The following MCCC1 variants were observed in gnomAD, a reference collection of about 807,000 sequenced individuals.
The protein encoded by MCCC1 is methylcrotonoyl-CoA carboxylase subunit alpha, mitochondrial.
Under a neutral mutation model 83.8 loss-of-function variants are expected in MCCC1, and 64 were observed. The observed-to-expected ratio is 0.76, with a 90% CI of 0.62 to 0.94. The LOEUF (loss-of-function observed/expected upper bound fraction) is 0.94. Among genes scored for constraint, MCCC1 ranks in the 40% least tolerant of loss-of-function variants. The probability of loss-of-function intolerance (pLI) is 0.00; values close to 1 mark genes in which losing one functional copy is unlikely to be tolerated. For missense variants in MCCC1, 807 were observed against 904.7 expected, an observed-to-expected ratio of 0.89 and a Z score of 1.39; for synonymous variants, 322 against 315.4, an observed-to-expected ratio of 1.02 and a Z score of -0.22.
chr3:183,020,112 C>T lies in MCCC1; in HGVS notation c.1977+18G>A. ...TTAAAACTTACTGAACATCATTCTA[C>T]AGATGTCATGTGATTACCTTTTCAA... On this transcript the variant is annotated intron_variant, in intron 17 of 18. Coordinates refer to ENST00000265594, the MANE Select transcript of MCCC1 (RefSeq NM_020166.5). 3 of 1,570,230 alleles carry T rather than the reference C, an allele frequency of 1.9e-6. No homozygotes were observed. Among genetic ancestry groups the T allele is most frequent in the Non-Finnish European group, 1.8e-6 (2 of 1,140,168 alleles).
chr3:183,074,870 C>T (rs1716951044), intron 4 of MCCC1, among the ~76,000 whole-genome samples: 1 of 152,216 alleles, frequency 6.6e-6, no homozygotes, highest in Non-Finnish European at 1.5e-5. Flanking sequence ...CTCCCTCCCA[C>T]CTTCCCCACT....
At chr3:183,068,282 C>T (rs540654457) in intron 7 of MCCC1, among the ~76,000 whole-genome samples, 18 of 152,258 alleles carry the variant, frequency 1.2e-4, no homozygotes, top group African/African-American at 3.1e-4. Context: ...ACAGGTCATA[C>T]GGACCTTGCA....
Position 183,022,721 on chromosome 3 carries a change from A to G in MCCC1, c.1732-167T>C, listed in dbSNP as rs1292380078. The G allele has an allele frequency of 2.4e-5, 15 of 615,086 alleles. 1 individual carries two copies. The Admixed American group carries it at 4.9e-4, about 20-fold the overall frequency. The allele number at this position is 615,086 out of a possible 1,614,324, so 38.1% of individuals were successfully genotyped here. A position where few individuals can be genotyped will look rare whatever the true frequency, so the allele number is the denominator to read the frequency against. Reference sequence around the variant, plus strand: ...TCATGGAACTTTTCCCCTATTCCTAACCAAGATACTTTACATAGAAATGAC... The same window carrying G: ...TCATGGAACTTTTCCCCTATTCCTAGCCAAGATACTTTACATAGAAATGAC... On this transcript the variant is annotated intron_variant, in intron 15 of 18. Coordinates refer to ENST00000265594, the MANE Select transcript of MCCC1 (RefSeq NM_020166.5).
intron 1 of MCCC1, among the ~76,000 whole-genome samples, chr3:183,112,107 C>T (rs1719504849): frequency 6.6e-6 from 1 of 152,128 alleles, no homozygotes. Flanking sequence ...TATGCCAGCT[C>T]AGCTTTCTAA....
intron 1 of MCCC1, among the ~76,000 whole-genome samples, chr3:183,097,937 C>T (rs1718860874): frequency 6.6e-6 from 1 of 151,718 alleles, no homozygotes; most frequent in African/African-American, 2.4e-5. Context: ...TTATTTGAGA[C>T]GGAGTCTTAC....
Position 183,086,691 on chromosome 3 carries a change from A to C in MCCC1, c.369+2T>G. 6.2e-7 allele frequency: 1 copy of C among 1,612,630 alleles called. No individual in the cohort carries two copies. The highest frequency in any genetic ancestry group is 8.5e-7 in the Non-Finnish European group (1 of 1,178,706). On this transcript the variant is annotated splice_donor_variant, in intron 4 of 18. Transcript: ENST00000265594. LOFTEE classifies it high-confidence loss of function. ...CACTGCAAATCTCTTCACAACCCTC[A>C]CCTGTGCAGCAGAGGTCTTGGCCAC... is the stretch of plus-strand genomic sequence containing the variant.
intron 9 of MCCC1, among the ~76,000 whole-genome samples, chr3:183,046,957 A>G (rs965602596): frequency 6.6e-6 from 1 of 152,182 alleles, no homozygotes; most frequent in Non-Finnish European, 1.5e-5. Context: ...CAACTCTGAG[A>G]GTTAAAAACT....
intron 1 of MCCC1, among the ~76,000 whole-genome samples, chr3:183,113,021 C>T (rs1289390176): frequency 3.9e-5 from 6 of 152,066 alleles, no homozygotes; most frequent in Middle Eastern, 3.4e-3. Flanking sequence ...GTCAAGAGAT[C>T]GAGACCATCC....
chr3:183,101,716 C>A (rs372829632), upstream of MCCC1, among the ~76,000 whole-genome samples: 1 of 152,208 alleles, frequency 6.6e-6, no homozygotes, highest in African/African-American at 2.4e-5. Context: ...TCCCATTCCA[C>A]GCTGTGGAAG....
intron 9 of MCCC1, among the ~76,000 whole-genome samples, chr3:183,047,405 C>T (rs1424570157): frequency 6.6e-6 from 1 of 152,146 alleles, no homozygotes; most frequent in African/African-American, 2.4e-5. Context: ...TAGCAAAATT[C>T]TCTTTACCCA....
chr3:183,055,035 T>G (rs1715302981), intron 8 of MCCC1, among the ~76,000 whole-genome samples: 1 of 152,184 alleles, frequency 6.6e-6, no homozygotes, highest in Admixed American at 6.6e-5. Flanking sequence ...AGGACGCATT[T>G]CTCAGAATGT....
chr3:183,024,260 A>G (rs1712399962), intron 15 of MCCC1, among the ~76,000 whole-genome samples: 1 of 152,170 alleles, frequency 6.6e-6, no homozygotes, highest in African/African-American at 2.4e-5. Context: ...CAAAACAAAA[A>G]AAAAGAAAAA....
intron 14 of MCCC1, among the ~76,000 whole-genome samples, chr3:183,033,429 C>T (rs1474973111): frequency 3.3e-5 from 5 of 152,234 alleles, no homozygotes; most frequent in Admixed American, 6.5e-5. Context: ...ATCTTCCATA[C>T]GTGGGTATAA....
chr3:183,036,937 T>C (rs967308135), intron 13 of MCCC1, among the ~76,000 whole-genome samples: 4 of 152,210 alleles, frequency 2.6e-5, no homozygotes, highest in African/African-American at 9.6e-5. Context: ...CCTCCCAAAG[T>C]GCTGGGATTA....
At chr3:183,040,175 A>T (rs1257584548) in intron 11 of MCCC1, among the ~76,000 whole-genome samples, 1 of 151,754 alleles carries the variant, frequency 6.6e-6, no homozygotes, top group African/African-American at 2.4e-5. Flanking sequence ...TGCTAAGTTA[A>T]AAAGTCTACT....
At chr3:183,020,422 A>C (rs1196372056) in intron 16 of MCCC1, among the ~76,000 whole-genome samples, 185 bp from the exon 17 acceptor site, 1 of 151,982 alleles carries the variant, frequency 6.6e-6, no homozygotes, top group East Asian at 1.9e-4. Context: ...GCTTGAGCCC[A>C]GGAGTTCAAG....
intron 4 of MCCC1, among the ~76,000 whole-genome samples, chr3:183,080,914 T>G (rs750871605): frequency 7.2e-5 from 11 of 152,176 alleles, no homozygotes; most frequent in Admixed American, 3.9e-4. Flanking sequence ...TTCACTATCA[T>G]GAGAACAGCA....
In MCCC1 at chr3:183,113,076, T is replaced by G. The variant is rs200386685; in HGVS notation, c.-102+2398A>C. Among the ~76,000 whole-genome samples the G allele has an allele frequency of 3.3e-5, 5 of 151,640 alleles. No homozygotes were observed. In the East Asian group the frequency reaches 9.7e-4, roughly 29 times the overall value. ...CCGTCTCTACTAAAAATACAAAAAT[T>G]AGCTGGGCGTGGTAGTGGGCGCCTG... On this transcript the variant is annotated intron_variant, in intron 1 of 17. Transcript: ENST00000492597.
upstream of MCCC1, among the ~76,000 whole-genome samples, chr3:183,102,969 G>T (rs1382129250): frequency 6.6e-6 from 1 of 150,828 alleles, no homozygotes; most frequent in Non-Finnish European, 1.5e-5. Flanking sequence ...TGTATTTTTA[G>T]TAGAGACGAG....
Sources: gnomAD v4.1 joint callset for allele counts (sites outside exome capture counted in the v4.1 genomes callset) on GRCh38, gnomAD v4.1.1 for gene constraint, MANE v1.5 for transcripts, NCBI Gene and HGNC (gene_info 2026-07-23, HGNC 2026-07-21) for gene names.